MSTO1: variants seen among roughly 807,000 people sequenced by gnomAD.
MSTO1 encodes misato mitochondrial distribution and morphology regulator 1.
In MSTO1, 24 loss-of-function variants were observed where a neutral mutation model predicts 55.7. The observed-to-expected ratio is 0.43, with a 90% confidence interval of 0.31 to 0.61. The LOEUF (loss-of-function observed/expected upper bound fraction) is 0.61, where lower values mean the gene tolerates loss of function less well. Ranked by LOEUF, MSTO1 falls within the 20% of genes least tolerant of loss-of-function variation. The pLI is 0.09. For synonymous variants in MSTO1, 162 were observed against 252.8 expected (o/e 0.64, Z 3.41); for missense variants, 363 against 625.7 (o/e 0.58, Z 4.48).
chr1:155,607,819 A>T (rs1388392068), upstream of MSTO1, among the ~76,000 whole-genome samples: 2 of 152,198 alleles, frequency 1.3e-5, no homozygotes, highest in Admixed American at 1.3e-4. Flanking sequence ...CAAGATGGTG[A>T]AACCCCTTCT....
the MSTO1 span, among the ~76,000 whole-genome samples, chr1:155,575,046 T>C: frequency 1.3e-5 from 2 of 152,056 alleles, no homozygotes; most frequent in Non-Finnish European, 2.9e-5. Flanking sequence ...TTTGTATTTT[T>C]AGTAGAGACG....
At chr1:155,564,076 G>A in the MSTO1 span, 4 of 162,546 alleles carry the variant, frequency 2.5e-5, no homozygotes, top group Non-Finnish European at 5.5e-5. Context: ...TGATCTAGTA[G>A]TTTTTACCTT....
At position 155,613,072 on chromosome 1, in the gene MSTO1, C is replaced by G. The variant is rs1674645845; in HGVS notation, c.1122C>G (p.Ile374Met). The G allele has an allele frequency of 1.2e-6, 2 of 1,613,670 alleles. No homozygotes were observed. The highest frequency in any genetic ancestry group is 1.7e-6 in the Non-Finnish European group (2 of 1,180,032). ...GKKVVTAGAI[I>M]PFPLAPGQSL... ...AGGTGGTGACAGCAGGAGCAATCAT[C>G]CCTTTCCCCTTGGCTCCAGGCCAGT... The change falls in exon 11 of 14, where the codon ATC (isoleucine) becomes ATG (methionine). Residue 374 changes from isoleucine to methionine, a missense_variant. Ile to Met is a conservative substitution (Grantham distance 10). Around this residue, in one of 3 missense-constraint regions of MSTO1, gnomAD observed 231 missense variants for 286.9 expected, o/e 0.81. Coordinates refer to ENST00000245564, the MANE Select transcript of MSTO1 (RefSeq NM_018116.4).
At chr1:155,593,697 G>A in the MSTO1 span, among the ~76,000 whole-genome samples, 5 of 152,202 alleles carry the variant, frequency 3.3e-5, no homozygotes, top group Non-Finnish European at 5.9e-5. Flanking sequence ...GGCCGGGTGC[G>A]GTGGCTCACG....
the MSTO1 span, among the ~76,000 whole-genome samples, chr1:155,575,152 C>T: frequency 2.0e-5 from 3 of 151,822 alleles, no homozygotes; most frequent in Non-Finnish European, 4.4e-5. Context: ...CAGGTGTGAG[C>T]CACCATGCCA....
chr1:155,592,559 C>T, the MSTO1 span, among the ~76,000 whole-genome samples: 176 of 147,256 alleles, frequency 1.2e-3, no homozygotes, highest in Non-Finnish European at 2.0e-3. Context: ...TTGACAGTTA[C>T]TTTTTTTTTT....
At chr1:155,597,362 C>T in the MSTO1 span, among the ~76,000 whole-genome samples, 5 of 150,328 alleles carry the variant, frequency 3.3e-5, no homozygotes, top group African/African-American at 9.8e-5. Context: ...CCCAGCTACT[C>T]GGGAGGCTGA....
chr1:155,579,815 G>A, the MSTO1 span, among the ~76,000 whole-genome samples: 96 of 152,204 alleles, frequency 6.3e-4, no homozygotes, highest in Middle Eastern at 6.8e-3. Flanking sequence ...TGTGGTTCTC[G>A]CCTGTAATCC....
chr1:155,569,530 C>T, the MSTO1 span, among the ~76,000 whole-genome samples: 2 of 150,878 alleles, frequency 1.3e-5, no homozygotes, highest in African/African-American at 4.9e-5. Context: ...CTCCCCCTCC[C>T]GGGTTCAAGC....
chr1:155,606,119 C>T (rs1428852043), upstream of MSTO1, among the ~76,000 whole-genome samples: 1 of 151,402 alleles, frequency 6.6e-6, no homozygotes, highest in Non-Finnish European at 1.5e-5. Flanking sequence ...GTGCAACCTC[C>T]ACCTCCTGGG....
In MSTO1 at chr1:155,614,946, G is replaced by A; in HGVS notation, c.*673G>A. ...TTTATGAAGCACTATATATTGATTT[G>A]CAAAATCTTTTGTTTATTCCACACA... On this transcript the variant is annotated 3_prime_UTR_variant, in exon 14 of 14. Coordinates refer to ENST00000245564, the MANE Select transcript of MSTO1 (RefSeq NM_018116.4). 1 of 1,078,538 alleles carries A rather than the reference G, an allele frequency of 9.3e-7. No homozygotes were observed. The highest frequency in any genetic ancestry group is 2.6e-5 in the East Asian group (1 of 38,610). 66.8% of individuals were successfully genotyped at this position (1,078,538 alleles called of 1,614,324 possible). A position where few individuals can be genotyped will look rare whatever the true frequency, so the allele number is the denominator to read the frequency against.
the MSTO1 span, among the ~76,000 whole-genome samples, chr1:155,571,879 T>C: frequency 6.6e-6 from 1 of 151,862 alleles, no homozygotes; most frequent in Admixed American, 6.6e-5. Flanking sequence ...TCATCTCTAC[T>C]AAAAATACAA....
chr1:155,609,999 A>G (rs892625257), upstream of MSTO1: 158 of 519,050 alleles, frequency 3.0e-4, no homozygotes, highest in Non-Finnish European at 4.2e-4. Context: ...CCCCGCTCCA[A>G]CGTGGAGCAG....
At chr1:155,565,046 G>A in the MSTO1 span, among the ~76,000 whole-genome samples, 1,049 of 151,970 alleles carry the variant, frequency 6.9e-3, 8 homozygotes, top group African/African-American at 0.024. Flanking sequence ...GCTTGAACCC[G>A]GGAGGCAGAG....
the MSTO1 span, among the ~76,000 whole-genome samples, chr1:155,600,898 G>A: frequency 2.0e-5 from 3 of 150,702 alleles, no homozygotes; most frequent in East Asian, 2.0e-4. Flanking sequence ...GTATGGTCTC[G>A]ATCTCCTGAT....
chr1:155,585,474 G>C, the MSTO1 span, among the ~76,000 whole-genome samples: 51 of 147,094 alleles, frequency 3.5e-4, no homozygotes, highest in African/African-American at 8.1e-4. Context: ...AGTGAGCTGA[G>C]ATCGCGCCAC....
At chr1:155,588,062 A>AGCCAGGCGTGGT in the MSTO1 span, among the ~76,000 whole-genome samples, 1 of 151,746 alleles carries the variant, frequency 6.6e-6, no homozygotes, top group African/African-American at 2.4e-5. Flanking sequence ...TACAAACATT[A>AGCCAGGCGTGGT]GCCAGGCGTG....
Position 155,613,204 on chromosome 1 carries a change from G to A in MSTO1, c.1254G>A (p.Leu418=). The A allele has an allele frequency of 6.2e-7, 1 of 1,614,136 alleles. No individual in the cohort carries two copies. The highest frequency in any genetic ancestry group is 8.5e-7 in the Non-Finnish European group (1 of 1,180,022). Residue 418 remains leucine, a synonymous_variant, in exon 11 of 14, where the codon CTG becomes CTA. Coordinates refer to ENST00000245564, the MANE Select transcript of MSTO1 (RefSeq NM_018116.4). The part of the protein sequence containing the change: ...GTRCFAQSVV[L]RGIDRACHTS... The stretch of plus-strand genomic sequence containing the variant: ...GTTGCTTTGCCCAGTCAGTGGTGCT[G>A]AGGGGTATAGACAGAGCATGCCACA...
chr1:155,571,596 T>A, the MSTO1 span, among the ~76,000 whole-genome samples: 1 of 152,176 alleles, frequency 6.6e-6, no homozygotes, highest in Non-Finnish European at 1.5e-5. Context: ...TTAGCACTGT[T>A]GAAGTTTGTG....
Sources: gnomAD v4.1 joint callset for allele counts (sites outside exome capture counted in the v4.1 genomes callset) on GRCh38, gnomAD v4.1.1 for gene constraint, gnomAD v4.1.1 regional missense constraint, MANE v1.5 for transcripts, NCBI Gene and HGNC (gene_info 2026-07-23, HGNC 2026-07-21) for gene names.